Variants in PRAC1 observed in about 807,000 individuals in gnomAD.
PRAC1 encodes the protein PRAC1 small nuclear protein.
Under a neutral mutation model 3.1 loss-of-function variants are expected in PRAC1, and 4 were observed. The observed-to-expected ratio is 1.28, with a 90% CI of 0.63 to 2.93. The LOEUF (loss-of-function observed/expected upper bound fraction) is 2.93, where lower values mean the gene tolerates loss of function less well. PRAC1 is among the 30% of genes most tolerant of loss of function. The probability of loss-of-function intolerance (pLI) is 0.01; values close to 1 mark genes in which losing one functional copy is unlikely to be tolerated. For missense variants in PRAC1, 72 were observed against 66.8 expected, an observed-to-expected ratio of 1.08 and a Z score of -0.27; for synonymous variants, 32 against 27.0, an observed-to-expected ratio of 1.18 and a Z score of -0.57.
intron 1 of PRAC1, among the ~76,000 whole-genome samples, 178 bp downstream of exon 1, chr17:48,722,140 C>T (rs1285192553): frequency 6.6e-6 from 1 of 152,030 alleles, no homozygotes; most frequent in Non-Finnish European, 1.5e-5. Context: ...CTCCAGGAAC[C>T]GCGAGTAGGT....
In PRAC1 at chr17:48,722,473, C is replaced by T. The variant is rs1290353145; in HGVS notation, c.-81G>A. The stretch of plus-strand genomic sequence containing the variant: ...CAAGCATCGGCCTAAAGGTTTCAGC[C>T]TCCCAGTGGCGCTCTGTTTGCACGC... On this transcript the variant is annotated 5_prime_UTR_variant, in exon 1 of 2. Coordinates refer to ENST00000290294, the MANE Select transcript of PRAC1 (RefSeq NM_032391.3). 1 of 1,212,532 alleles carries T rather than the reference C, an allele frequency of 8.2e-7. No homozygotes were observed. The highest frequency in any genetic ancestry group is 1.2e-6 in the Non-Finnish European group (1 of 815,772). 75.1% of individuals were successfully genotyped at this position (1,212,532 alleles called of 1,614,324 possible). A position where few individuals can be genotyped will look rare whatever the true frequency, so the allele number is the denominator to read the frequency against.
At position 48,722,417 on chromosome 17, in the gene PRAC1, G is replaced by C. The variant is rs1416306347; in HGVS notation, c.-25C>G. The C allele has an allele frequency of 6.2e-7, 1 of 1,608,680 alleles. No individual in the cohort carries two copies. The highest frequency in any genetic ancestry group is 1.7e-5 in the Admixed American group (1 of 60,022). ...TCGCTGTTCTCTCTGCAAAGGTGGGGACCAGAATCCAGCTTGCCTGACCTT... is the reference window on the plus strand; with the variant it reads ...TCGCTGTTCTCTCTGCAAAGGTGGGCACCAGAATCCAGCTTGCCTGACCTT... On this transcript the variant is annotated 5_prime_UTR_variant, in exon 1 of 2. Coordinates refer to ENST00000290294, the MANE Select transcript of PRAC1 (RefSeq NM_032391.3).
intron 1 of PRAC1, 77 bp downstream of exon 1, chr17:48,722,241 C>G: frequency 8.0e-7 from 1 of 1,253,894 alleles, no homozygotes; most frequent in Non-Finnish European, 1.2e-6. Context: ...CTGGGAGACC[C>G]TCTCCCAGGG....
intron 1 of PRAC1, 41 bp from the exon 2 acceptor site, chr17:48,721,940 A>G (rs1251920563): frequency 6.1e-6 from 9 of 1,472,718 alleles, no homozygotes; most frequent in Non-Finnish European, 8.1e-6. Flanking sequence ...AAATAATAAT[A>G]ACGTTATCAA....
At chr17:48,722,226 A>C (rs2038153267) in intron 1 of PRAC1, 92 bp downstream of exon 1, 11 of 1,113,634 alleles carry the variant, frequency 9.9e-6, no homozygotes, top group East Asian at 2.4e-5. Flanking sequence ...AAGGCTCCCA[A>C]ATTCCTGGGA....
Position 48,721,745 on chromosome 17 carries a change from T to C in PRAC1, c.*56A>G. The C allele has an allele frequency of 1.4e-6, 2 of 1,428,910 alleles. No individual in the cohort carries two copies. Among genetic ancestry groups the C allele is most frequent in the South Asian group, 1.6e-5 (1 of 64,454 alleles). 88.5% of individuals were successfully genotyped at this position (1,428,910 alleles called of 1,614,324 possible). A position where few individuals can be genotyped will look rare whatever the true frequency, so the allele number is the denominator to read the frequency against. ...TTCCTTTTTTAAAAAAATTTTATTG[T>C]ATAAATAGAGACAGCGTCTTGCTAC... On this transcript the variant is annotated 3_prime_UTR_variant, in exon 2 of 2. Coordinates refer to ENST00000290294, the MANE Select transcript of PRAC1 (RefSeq NM_032391.3).
In PRAC1 at chr17:48,722,486, T is replaced by A. The variant is rs2038156802; in HGVS notation, c.-94A>T. Reference sequence around the variant, plus strand: ...AAAGGTTTCAGCCTCCCAGTGGCGCTCTGTTTGCACGCCTTAGGCTAGGAG... The same window carrying A: ...AAAGGTTTCAGCCTCCCAGTGGCGCACTGTTTGCACGCCTTAGGCTAGGAG... On this transcript the variant is annotated 5_prime_UTR_variant, in exon 1 of 2. Transcript: ENST00000290294. The A allele has an allele frequency of 1.9e-6, 2 of 1,067,080 alleles. No individual in the cohort carries two copies. Among genetic ancestry groups the A allele is most frequent in the Admixed American group, 1.7e-5 (1 of 57,522 alleles). The allele number at this position is 1,067,080 out of a possible 1,614,324, so 66.1% of individuals were successfully genotyped here. A position where few individuals can be genotyped will look rare whatever the true frequency, so the allele number is the denominator to read the frequency against.
chr17:48,721,869 C>CA lies in PRAC1; in HGVS notation c.105_106insT (p.Glu36Ter). 6.5e-7 allele frequency: 1 copy of CA among 1,535,254 alleles called. No homozygotes were observed. The highest frequency in any genetic ancestry group is 8.8e-7 in the Non-Finnish European group (1 of 1,139,122). ...CAGGCTGAGCCATCACTCCTGGTCT[C>CA]GCCCAGTAGATGTTTCAAAGTAGAT... On this transcript the variant is annotated frameshift_variant, in exon 2 of 2. Transcript: ENST00000290294. LOFTEE classifies it high-confidence loss of function.
At chr17:48,722,253 C>T (rs1597928500) in intron 1 of PRAC1, 65 bp downstream of exon 1, 1 of 1,381,590 alleles carries the variant, frequency 7.2e-7, no homozygotes, top group Non-Finnish European at 1.0e-6. Flanking sequence ...CTCCCAGGGC[C>T]TCCTGATGCA....
At position 48,722,321 on chromosome 17, in the gene PRAC1, A is replaced by G; in HGVS notation, c.72T>C (p.Asn24=). The change falls in exon 1 of 2, where the codon AAT becomes AAC. Residue 24 remains asparagine, a synonymous_variant. Coordinates refer to ENST00000290294, the MANE Select transcript of PRAC1 (RefSeq NM_032391.3). Reference sequence around the variant, plus strand: ...CTTGGCCCACCGATCAGTTTACCTTATTAGAGAGAAAAGCACTCTTGGAGG... The same window carrying G: ...CTTGGCCCACCGATCAGTTTACCTTGTTAGAGAGAAAAGCACTCTTGGAGG... ...LTTSKSAFLS[N]KKTSTLKHLL... is the part of the protein sequence containing the mutation. 1 of 1,613,280 alleles carries G rather than the reference A, an allele frequency of 6.2e-7. No homozygotes were observed. Among genetic ancestry groups the G allele is most frequent in the Non-Finnish European group, 8.5e-7 (1 of 1,179,256 alleles).
At chr17:48,721,961 G>C in intron 1 of PRAC1, 62 bp from the exon 2 acceptor site, 1 of 1,434,818 alleles carries the variant, frequency 7.0e-7, no homozygotes, top group Non-Finnish European at 9.3e-7. Flanking sequence ...TATTAATTTT[G>C]CTTATGCCAG....
In PRAC1 at chr17:48,721,806, G is replaced by T; in HGVS notation, c.169C>A (p.Pro57Thr). Residue 57 changes from proline (P) to threonine (T), a missense_variant, in exon 2 of 2, where the codon CCT (proline) becomes ACT (threonine). By Grantham distance (38) the Pro-to-Thr change is conservative. Coordinates refer to ENST00000290294, the MANE Select transcript of PRAC1 (RefSeq NM_032391.3). ...GISGGRGRKIP is the reference protein window; with the variant it reads ...GISGGRGRKIT ...CTGGTCTGGAACTCCTGTGCTCAAG[G>T]AATCTTCCTGCCTCGGCCTCCCGAA... The T allele has an allele frequency of 5.2e-6, 8 of 1,540,148 alleles. No individual in the cohort carries two copies. The highest frequency in any genetic ancestry group is 7.0e-6 in the Non-Finnish European group (8 of 1,140,478).
chr17:48,721,755 G>T lies in PRAC1; in HGVS notation c.*46C>A. ...AAAAAAATTTTATTGTATAAATAGAGACAGCGTCTTGCTACATTGCCCAGG... is the reference window on the plus strand; with the variant it reads ...AAAAAAATTTTATTGTATAAATAGATACAGCGTCTTGCTACATTGCCCAGG... On this transcript the variant is annotated 3_prime_UTR_variant, in exon 2 of 2. Transcript: ENST00000290294. 6.9e-7 allele frequency: 1 copy of T among 1,447,768 alleles called. No homozygotes were observed. Among genetic ancestry groups the T allele is most frequent in the Non-Finnish European group, 9.1e-7 (1 of 1,095,354 alleles). The allele number at this position is 1,447,768 out of a possible 1,614,324, so 89.7% of individuals were successfully genotyped here. A position where few individuals can be genotyped will look rare whatever the true frequency, so the allele number is the denominator to read the frequency against.
rs769402207 is a variant in PRAC1 at position 48,722,393 on chromosome 17, C to T, written c.-1G>A. 7.4e-6 allele frequency: 12 copies of T among 1,614,064 alleles called. No individual in the cohort carries two copies. In the Admixed American group the frequency reaches 1.3e-4, roughly 18 times the overall value. On this transcript the variant is annotated 5_prime_UTR_variant, in exon 1 of 2. Coordinates refer to ENST00000290294, the MANE Select transcript of PRAC1 (RefSeq NM_032391.3). ...GATCTGAGAAATGGGCGCACAACAT[C>T]GCTGTTCTCTCTGCAAAGGTGGGGA...
rs748013660 is a variant in PRAC1, at chr17:48,722,365, C to A, written c.28G>T (p.Gly10Ter). 1.2e-6 allele frequency: 2 copies of A among 1,614,210 alleles called. No homozygotes were observed. Among genetic ancestry groups the A allele is most frequent in the South Asian group, 1.1e-5 (1 of 91,088 alleles). ...TTGGAGGTAGTAAGATGGGCCGGTC[C>A]TTGATCTGAGAAATGGGCGCACAAC... MLCAHFSDQ[G>*]PAHLTTSKSA... Residue 10 changes from glycine (G) to a stop codon, truncating the protein, a stop_gained, in exon 1 of 2, where the codon GGA becomes TGA. Coordinates refer to ENST00000290294, the MANE Select transcript of PRAC1 (RefSeq NM_032391.3). LOFTEE classifies it low-confidence loss of function (END_TRUNC).
chr17:48,721,964 T>A, intron 1 of PRAC1, 65 bp from the exon 2 acceptor site: 4 of 1,434,104 alleles, frequency 2.8e-6, no homozygotes, highest in Non-Finnish European at 3.7e-6. Flanking sequence ...TAATTTTGCT[T>A]ATGCCAGGAC....
intron 1 of PRAC1, 115 bp from the exon 2 acceptor site, chr17:48,722,014 C>T (rs2038149935): frequency 3.3e-6 from 4 of 1,202,666 alleles, no homozygotes; most frequent in Non-Finnish European, 4.6e-6. Context: ...TTATGGCAGA[C>T]CTTACAGCGG....
chr17:48,721,943 G>T lies in PRAC1; in HGVS notation c.76-44C>A, dbSNP rs751975683. On this transcript the variant is annotated intron_variant, in intron 1 of 1. Coordinates refer to ENST00000290294, the MANE Select transcript of PRAC1 (RefSeq NM_032391.3). ...TTTACAAATTTTAAATAATAATAAC[G>T]TTATCAATATTAATTTTGCTTATGC... 7 of 1,465,730 alleles carry T rather than the reference G, an allele frequency of 4.8e-6. No homozygotes were observed. The South Asian group carries it at 8.5e-5, about 18-fold the overall frequency. 90.8% of individuals were successfully genotyped at this position (1,465,730 alleles called of 1,614,324 possible).
rs1018888489 is a variant in PRAC1 at position 48,721,795 on chromosome 17, C to A, written c.*6G>T. ...CATTGCCCAGGCTGGTCTGGAACTC[C>A]TGTGCTCAAGGAATCTTCCTGCCTC... On this transcript the variant is annotated 3_prime_UTR_variant, in exon 2 of 2. Transcript: ENST00000290294. The A allele has an allele frequency of 2.0e-6, 3 of 1,536,562 alleles. No homozygotes were observed. In the Admixed American group the frequency reaches 6.0e-5, roughly 31 times the overall value.
Sources: gnomAD v4.1 joint callset for allele counts (sites outside exome capture counted in the v4.1 genomes callset) on GRCh38, gnomAD v4.1.1 for gene constraint, MANE v1.5 for transcripts, NCBI Gene and HGNC (gene_info 2026-07-23, HGNC 2026-07-21) for gene names.